The following CSMD1 variants were observed in gnomAD, a reference collection of about 807,000 sequenced individuals.
The protein encoded by CSMD1 is CUB and sushi domain-containing protein 1.
Under a neutral mutation model 417.5 loss-of-function variants are expected in CSMD1, and 213 were observed. The observed-to-expected ratio is 0.51, with a 90% CI of 0.46 to 0.57. CSMD1 has a LOEUF of 0.57. Ranked by LOEUF, CSMD1 falls within the 20% of genes least tolerant of loss-of-function variation. CSMD1 has a pLI of 0.00. For synonymous variants in CSMD1, 2,862 were observed against 1,736.8 expected, an observed-to-expected ratio of 1.65 and a Z score of -16.11; for missense variants, 6,923 against 4,529.7, an observed-to-expected ratio of 1.53 and a Z score of -15.17.
intron 7 of CSMD1, among the ~76,000 whole-genome samples, chr8:3,653,086 G>A (rs184663115): frequency 7.2e-5 from 11 of 152,080 alleles, no homozygotes; most frequent in Admixed American, 3.3e-4. Flanking sequence ...ATTCATCAAC[G>A]TCATGCTTCC....
intron 5 of CSMD1, among the ~76,000 whole-genome samples, chr8:3,965,528 G>A (rs974304831): frequency 6.6e-6 from 1 of 152,218 alleles, no homozygotes; most frequent in African/African-American, 2.4e-5. Context: ...TGAAACAATA[G>A]AGCCTGAACA....
chr8:3,137,493 A>G (rs1361971131), intron 41 of CSMD1, among the ~76,000 whole-genome samples: 2 of 152,186 alleles, frequency 1.3e-5, no homozygotes, highest in Non-Finnish European at 2.9e-5. Context: ...GTAAAACAGA[A>G]ATGACCGTCA....
At chr8:4,901,496 C>G (rs971055426) in intron 1 of CSMD1, among the ~76,000 whole-genome samples, 1 of 151,674 alleles carries the variant, frequency 6.6e-6, no homozygotes, top group African/African-American at 2.4e-5. Flanking sequence ...TTATGTTTTT[C>G]CATCTTTGTG....
rs753121309 is a variant in CSMD1, at chr8:3,575,053, T to C, written c.1236A>G (p.Gly412=). Residue 412 remains glycine, a synonymous_variant, in exon 10 of 70, where the codon GGA becomes GGG. Transcript: ENST00000635120. ...HRPICRARTC[G]SNLRGPSGVI... ...CGCCGCTGGGCCCACGCAGATTGGA[T>C]CCACATGTTCTCGCTGGAAACACAT... The C allele has an allele frequency of 6.8e-6, 11 of 1,613,132 alleles. No individual in the cohort carries two copies. Among genetic ancestry groups the C allele is most frequent in the Non-Finnish European group, 7.6e-6 (9 of 1,179,584 alleles).
At chr8:2,972,876 C>A (rs1804579588) in intron 57 of CSMD1, among the ~76,000 whole-genome samples, 1 of 152,196 alleles carries the variant, frequency 6.6e-6, no homozygotes, top group South Asian at 2.1e-4. Flanking sequence ...AGATTAGAAG[C>A]TTCCGTGTTA....
intron 2 of CSMD1, among the ~76,000 whole-genome samples, chr8:4,542,494 A>G (rs1317656264): frequency 3.9e-5 from 6 of 152,250 alleles, no homozygotes; most frequent in Non-Finnish European, 7.3e-5. Flanking sequence ...ATTTTTTAAA[A>G]AAGCACAATT....
chr8:3,156,809 G>C (rs1291128520), intron 39 of CSMD1, among the ~76,000 whole-genome samples: 1 of 151,952 alleles, frequency 6.6e-6, no homozygotes, highest in Non-Finnish European at 1.5e-5. Flanking sequence ...CTGTAGGTTA[G>C]GATTCCATGG....
chr8:2,956,488 G>A (rs1272869146), intron 63 of CSMD1, among the ~76,000 whole-genome samples: 1 of 151,588 alleles, frequency 6.6e-6, no homozygotes, highest in Non-Finnish European at 1.5e-5. Context: ...GAGTCTCGCT[G>A]TGTTGCCCAG....
At chr8:4,120,090 T>A (rs1802395451) in intron 3 of CSMD1, among the ~76,000 whole-genome samples, 1 of 152,154 alleles carries the variant, frequency 6.6e-6, no homozygotes, top group African/African-American at 2.4e-5. Flanking sequence ...GGATAAATGC[T>A]TGAGGGGATG....
chr8:4,618,120 A>G (rs1801578134), intron 2 of CSMD1, among the ~76,000 whole-genome samples: 1 of 152,258 alleles, frequency 6.6e-6, no homozygotes, highest in African/African-American at 2.4e-5. Context: ...TGTCACATGA[A>G]AGGTTTCTGT....
chr8:4,592,122 T>A (rs1316900553), intron 2 of CSMD1, among the ~76,000 whole-genome samples: 2 of 151,982 alleles, frequency 1.3e-5, no homozygotes, highest in South Asian at 2.1e-4. Context: ...TTTGCTGGCA[T>A]AACGGATTCC....
intron 11 of CSMD1, among the ~76,000 whole-genome samples, chr8:3,475,049 A>T (rs1244772117): frequency 2.0e-5 from 3 of 152,118 alleles, no homozygotes; most frequent in Non-Finnish European, 4.4e-5. Flanking sequence ...CATTCTCCAG[A>T]ATGATGGCAT....
chr8:3,236,832 C>A (rs562697116), intron 26 of CSMD1, among the ~76,000 whole-genome samples: 3 of 152,278 alleles, frequency 2.0e-5, no homozygotes, highest in Admixed American at 2.0e-4. Flanking sequence ...TCCATCTTAT[C>A]CCTCAACGAC....
At chr8:4,848,542 CTT>C (rs34950037) in intron 1 of CSMD1, among the ~76,000 whole-genome samples, 6 of 144,646 alleles carry the variant, frequency 4.1e-5, no homozygotes, top group Non-Finnish European at 6.1e-5. Flanking sequence ...GTACATAATG[CTT>C]TTTTTTTTTT....
At chr8:3,511,685 G>A (rs1411516343) in intron 10 of CSMD1, among the ~76,000 whole-genome samples, 1 of 149,306 alleles carries the variant, frequency 6.7e-6, no homozygotes, top group Admixed American at 6.6e-5. Flanking sequence ...TTGAACTGGG[G>A]CGGTGGAGGT....
intron 10 of CSMD1, among the ~76,000 whole-genome samples, chr8:3,521,370 A>C (rs1286120883): frequency 6.6e-6 from 1 of 152,096 alleles, no homozygotes; most frequent in Non-Finnish European, 1.5e-5. Context: ...CCATGATGTC[A>C]GCCCTGTTGT....
chr8:4,498,569 G>GCAGAAAGAT (rs1802092360), intron 2 of CSMD1, among the ~76,000 whole-genome samples: 1 of 152,288 alleles, frequency 6.6e-6, no homozygotes, highest in East Asian at 1.9e-4. Context: ...ACTGAAACTT[G>GCAGAAAGAT]CAGAAAGATG....
chr8:4,938,790 C>A (rs530529560), intron 1 of CSMD1, among the ~76,000 whole-genome samples: 1 of 152,090 alleles, frequency 6.6e-6, no homozygotes, highest in Non-Finnish European at 1.5e-5. Flanking sequence ...CAGGGGAATG[C>A]TTTTTTATAT....
chr8:3,592,191 A>T (rs1800879580), intron 8 of CSMD1, among the ~76,000 whole-genome samples: 1 of 152,146 alleles, frequency 6.6e-6, no homozygotes, highest in Non-Finnish European at 1.5e-5. Context: ...CAGATGACAG[A>T]TAGATGGACA....
Sources: gnomAD v4.1 joint callset for allele counts (sites outside exome capture counted in the v4.1 genomes callset) on GRCh38, gnomAD v4.1.1 for gene constraint, MANE v1.5 for transcripts, NCBI Gene and HGNC (gene_info 2026-07-23, HGNC 2026-07-21) for gene names.